Variants in UNC5D observed in about 807,000 individuals in gnomAD.
UNC5D encodes netrin receptor UNC5D.
Under a neutral mutation model 105.4 loss-of-function variants are expected in UNC5D, and 39 were observed. That is an observed-to-expected ratio of 0.37 (90% CI 0.29 to 0.48). The LOEUF is 0.48. Among genes scored for constraint, UNC5D ranks in the 20% least tolerant of loss-of-function variants. The probability of loss-of-function intolerance (pLI) is 0.98; values close to 1 mark genes in which losing one functional copy is unlikely to be tolerated. For missense variants in UNC5D, 991 were observed against 1,202.4 expected, an observed-to-expected ratio of 0.82 and a Z score of 2.60; for synonymous variants, 452 against 450.4, an observed-to-expected ratio of 1.00 and a Z score of -0.04.
chr8:35,420,104 CTT>C (rs1290988477), intron 1 of UNC5D, among the ~76,000 whole-genome samples: 2 of 152,086 alleles, frequency 1.3e-5, no homozygotes, highest in Non-Finnish European at 2.9e-5. Context: ...CTTAAATTGT[CTT>C]TGGTTTGAAG....
chr8:35,624,431 C>G (rs1191853368), intron 4 of UNC5D, among the ~76,000 whole-genome samples: 1 of 152,156 alleles, frequency 6.6e-6, no homozygotes, highest in Non-Finnish European at 1.5e-5. Context: ...TCCCAACATG[C>G]ATGACCTCTG....
chr8:35,408,283 T>A (rs561762130), intron 1 of UNC5D, among the ~76,000 whole-genome samples: 1 of 152,062 alleles, frequency 6.6e-6, no homozygotes, highest in Non-Finnish European at 1.5e-5. Context: ...CCTTTTTTTA[T>A]AATTATGCTC....
chr8:35,497,160 A>T (rs912806413), intron 1 of UNC5D, among the ~76,000 whole-genome samples: 1 of 152,216 alleles, frequency 6.6e-6, no homozygotes, highest in Non-Finnish European at 1.5e-5. Context: ...ACAAAAGAGG[A>T]TGATCTAATG....
At chr8:35,330,011 T>C (rs1398282764) in intron 1 of UNC5D, among the ~76,000 whole-genome samples, 1 of 152,166 alleles carries the variant, frequency 6.6e-6, no homozygotes, top group Non-Finnish European at 1.5e-5. Flanking sequence ...GTGAGGTAGG[T>C]GTGCTGATTG....
intron 4 of UNC5D, among the ~76,000 whole-genome samples, chr8:35,621,634 A>G (rs1247974899): frequency 1.3e-5 from 2 of 152,232 alleles, no homozygotes; most frequent in Non-Finnish European, 2.9e-5. Context: ...TTGGCTTCTC[A>G]TTAAAAAAAT....
At chr8:35,529,370 G>A (rs1262130089) in intron 1 of UNC5D, among the ~76,000 whole-genome samples, 17 of 139,234 alleles carry the variant, frequency 1.2e-4, no homozygotes, top group Middle Eastern at 3.7e-3. Flanking sequence ...GATATGCGGC[G>A]TTATTTCTGA....
chr8:35,746,398 T>G (rs1398076411), intron 11 of UNC5D, among the ~76,000 whole-genome samples: 1 of 152,144 alleles, frequency 6.6e-6, no homozygotes, highest in Non-Finnish European at 1.5e-5. Flanking sequence ...TTTGTGAAGT[T>G]CCGGTGAACT....
At chr8:35,465,474 C>T (rs1446768364) in intron 1 of UNC5D, among the ~76,000 whole-genome samples, 2 of 151,144 alleles carry the variant, frequency 1.3e-5, no homozygotes, top group Admixed American at 1.3e-4. Context: ...TGCCCCTGCA[C>T]TCCAGCCTGG....
intron 4 of UNC5D, among the ~76,000 whole-genome samples, chr8:35,623,103 T>C (rs1009888488): frequency 2.6e-5 from 4 of 151,828 alleles, no homozygotes; most frequent in African/African-American, 9.7e-5. Context: ...AGTGATAGAG[T>C]CAGCAAAAAG....
chr8:35,312,037 T>A (rs1052064890), intron 1 of UNC5D, among the ~76,000 whole-genome samples: 12 of 152,196 alleles, frequency 7.9e-5, no homozygotes, highest in African/African-American at 2.7e-4. Flanking sequence ...AGTGCTGTAC[T>A]CCATTCAATC....
At chr8:35,393,652 C>T (rs905015137) in intron 1 of UNC5D, among the ~76,000 whole-genome samples, 3 of 152,146 alleles carry the variant, frequency 2.0e-5, no homozygotes, top group African/African-American at 4.8e-5. Flanking sequence ...AGACAGTTGT[C>T]ACCTCATTTG....
At chr8:35,647,297 G>C (rs1415220634) in intron 4 of UNC5D, among the ~76,000 whole-genome samples, 6 of 151,954 alleles carry the variant, frequency 3.9e-5, no homozygotes, top group Admixed American at 3.3e-4. Flanking sequence ...ACACAAACCA[G>C]CAGTGGAAAA....
intron 4 of UNC5D, among the ~76,000 whole-genome samples, chr8:35,623,643 G>A (rs1056773598): frequency 6.6e-6 from 1 of 152,124 alleles, no homozygotes; most frequent in Non-Finnish European, 1.5e-5. Flanking sequence ...GATTAGACAA[G>A]TGTTGCCAAC....
At chr8:35,425,804 T>C (rs1216130801) in intron 1 of UNC5D, among the ~76,000 whole-genome samples, 1 of 152,164 alleles carries the variant, frequency 6.6e-6, no homozygotes, top group East Asian at 1.9e-4. Context: ...CCTCTCTTCT[T>C]TTTAATTGGA....
At chr8:35,529,954 A>G (rs1208031596) in intron 1 of UNC5D, among the ~76,000 whole-genome samples, 23 of 151,252 alleles carry the variant, frequency 1.5e-4, no homozygotes, top group South Asian at 4.2e-4. Context: ...GGCTGAGACA[A>G]TGGGGTTTTC....
At chr8:35,605,983 T>TA (rs987655824) in intron 4 of UNC5D, among the ~76,000 whole-genome samples, 3 of 151,920 alleles carry the variant, frequency 2.0e-5, no homozygotes. Flanking sequence ...CCTTTTTTTT[T>TA]ATTTATTTTT....
At chr8:35,644,139 A>G (rs1279462794) in intron 4 of UNC5D, among the ~76,000 whole-genome samples, 1 of 152,140 alleles carries the variant, frequency 6.6e-6, no homozygotes, top group Non-Finnish European at 1.5e-5. Context: ...TTGCTAACAA[A>G]TAGTAATAGT....
intron 1 of UNC5D, among the ~76,000 whole-genome samples, chr8:35,377,094 TA>T (rs1479200123): frequency 5.9e-5 from 9 of 152,302 alleles, no homozygotes; most frequent in African/African-American, 2.2e-4. Flanking sequence ...CCAGGTGGTG[TA>T]TCATTTTATC....
At chr8:35,349,350 C>G (rs570662117) in intron 1 of UNC5D, among the ~76,000 whole-genome samples, 100 of 152,034 alleles carry the variant, frequency 6.6e-4, no homozygotes, top group African/African-American at 2.3e-3. Flanking sequence ...AAACAATGAT[C>G]AATTAGAAAA....
Sources: allele counts gnomAD v4.1 joint callset (sites outside exome capture counted in the v4.1 genomes callset), GRCh38; gene constraint gnomAD v4.1.1; transcripts MANE v1.5; gene names NCBI Gene and HGNC (gene_info 2026-07-23, HGNC 2026-07-21).